Variants in SNED1 observed in about 807,000 individuals in gnomAD.
SNED1 encodes the protein sushi, nidogen and EGF-like domain-containing protein 1.
Under a neutral mutation model 166.7 loss-of-function variants are expected in SNED1, and 81 were observed. The observed-to-expected ratio is 0.49, with a 90% CI of 0.41 to 0.58. The LOEUF (loss-of-function observed/expected upper bound fraction) is 0.58, where lower values mean the gene tolerates loss of function less well. Ranked by LOEUF, SNED1 falls within the 20% of genes least tolerant of loss-of-function variation. The probability of loss-of-function intolerance (pLI) is 0.00; values close to 1 mark genes in which losing one functional copy is unlikely to be tolerated. For missense variants in SNED1, 1,604 were observed against 2,000.2 expected (o/e 0.80, Z 3.78); for synonymous variants, 762 against 822.0 (o/e 0.93, Z 1.25).
chr2:241,053,137 CTGCCG>C lies in SNED1; in HGVS notation c.2084-11_2084-7del. 6.2e-7 allele frequency: 1 copy of C among 1,603,852 alleles called. No individual in the cohort carries two copies. Among genetic ancestry groups the C allele is most frequent in the Non-Finnish European group, 8.5e-7 (1 of 1,176,466 alleles). On this transcript the variant is annotated splice_polypyrimidine_tract_variant and intron_variant, in intron 15 of 31. Transcript: ENST00000310397. ...AAGGCACAGGACCGTGCGAGACAGGCTGCCGTGCCTTGCAGAGGTGGACTGCGGCC... is the reference window on the plus strand; with the variant it reads ...AAGGCACAGGACCGTGCGAGACAGGCTGCCTTGCAGAGGTGGACTGCGGCC...
At chr2:241,065,050 G>T in intron 20 of SNED1, 93 bp downstream of exon 20, 2 of 1,028,244 alleles carry the variant, frequency 1.9e-6, no homozygotes, top group Non-Finnish European at 2.8e-6. Flanking sequence ...GCGTCTGGCC[G>T]CTGCTTGCCC....
intron 27 of SNED1, among the ~76,000 whole-genome samples, chr2:241,077,595 G>A (rs1447332434): frequency 6.6e-6 from 1 of 151,652 alleles, no homozygotes; most frequent in Non-Finnish European, 1.5e-5. Flanking sequence ...TTCAGACATG[G>A]GCAAATCATA....
rs1157144179 is a variant in SNED1, at chr2:241,067,837, C to A, written c.3084C>A (p.His1028Gln). Residue 1028 changes from histidine (H) to glutamine (Q), a missense_variant, in exon 22 of 32, where the codon CAC becomes CAA. By Grantham distance (24) the His-to-Gln change is conservative. Transcript: ENST00000310397. ...CCATCTCAGTGCAGTGGGCCCTGCACAGGATCCGCCATGCCACCGTCAGTG... is the reference window on the plus strand; with the variant it reads ...CCATCTCAGTGCAGTGGGCCCTGCAAAGGATCCGCCATGCCACCGTCAGTG... The part of the protein sequence containing the change: ...ASTISVQWAL[H>Q]RIRHATVSGV... 1 of 1,613,512 alleles carries A rather than the reference C, an allele frequency of 6.2e-7. No individual in the cohort carries two copies. Among genetic ancestry groups the A allele is most frequent in the Admixed American group, 1.7e-5 (1 of 60,026 alleles).
In SNED1 at chr2:241,064,214, T is replaced by G. The variant is rs2062347786; in HGVS notation, c.2599+89T>G. ...TGCTGCCCGCCCTCTGCCCGCCTGC[T>G]CCCCGCCCTCTGCCCGCCTGCTCCC... On this transcript the variant is annotated intron_variant, in intron 19 of 31. Coordinates refer to ENST00000310397, the MANE Select transcript of SNED1 (RefSeq NM_001080437.3). This position sits in a 1 kb window ranked among gnomAD's most constrained non-coding sequence, Gnocchi z 7.0. 3 of 876,960 alleles carry G rather than the reference T, an allele frequency of 3.4e-6. No individual in the cohort carries two copies. In the South Asian group the frequency reaches 5.1e-5, roughly 15 times the overall value. The allele number at this position is 876,960 out of a possible 1,614,324, so 54.3% of individuals were successfully genotyped here.
intron 16 of SNED1, among the ~76,000 whole-genome samples, chr2:241,061,220 G>A (rs1006017313): frequency 1.3e-5 from 2 of 152,024 alleles, no homozygotes; most frequent in Admixed American, 6.6e-5. Flanking sequence ...AACATGCATA[G>A]GCATTTCATG....
At chr2:241,040,953 G>A (rs561440342) in intron 8 of SNED1, 4 of 409,274 alleles carry the variant, frequency 9.8e-6, no homozygotes, top group East Asian at 7.7e-5. Flanking sequence ...AATGGCTTTC[G>A]TGTCTGATTG....
chr2:241,073,473 A>G lies in SNED1; in HGVS notation c.3916+109A>G, dbSNP rs920855830. 4 of 897,790 alleles carry G rather than the reference A, an allele frequency of 4.5e-6. No homozygotes were observed. Among genetic ancestry groups the G allele is most frequent in the Non-Finnish European group, 7.2e-6 (4 of 553,972 alleles). 55.6% of individuals were successfully genotyped at this position (897,790 alleles called of 1,614,324 possible). A position where few individuals can be genotyped will look rare whatever the true frequency, so the allele number is the denominator to read the frequency against. On this transcript the variant is annotated intron_variant, in intron 27 of 31. Coordinates refer to ENST00000310397, the MANE Select transcript of SNED1 (RefSeq NM_001080437.3). The surrounding 1 kb of genome is among the most constrained non-coding windows in gnomAD (Gnocchi z 6.6). ...CACGGTGAGGAATCAGGAGGCACAG[A>G]GCCTACCTGAGGGGAGGCTGAGCAC...
chr2:241,027,737 T>A (rs1481863411), intron 1 of SNED1, among the ~76,000 whole-genome samples: 1 of 151,218 alleles, frequency 6.6e-6, no homozygotes, highest in Non-Finnish European at 1.5e-5. Flanking sequence ...TCTTCTGTTT[T>A]TTTTTTTTTT....
chr2:241,008,312 G>A (rs749915728), intron 1 of SNED1, among the ~76,000 whole-genome samples: 10 of 152,300 alleles, frequency 6.6e-5, no homozygotes, highest in South Asian at 2.1e-4. Context: ...GTGGTGACCC[G>A]GGGCACTCCT....
chr2:241,031,111 G>C (rs1389994213), intron 2 of SNED1, among the ~76,000 whole-genome samples: 2 of 152,170 alleles, frequency 1.3e-5, no homozygotes, highest in East Asian at 3.9e-4. Context: ...CCCTAGAAAA[G>C]AGGCGCTGGG....
In SNED1 at chr2:241,073,204, C is replaced by G; in HGVS notation, c.3818-62C>G. 2 of 1,253,784 alleles carry G rather than the reference C, an allele frequency of 1.6e-6. No individual in the cohort carries two copies. The highest frequency in any genetic ancestry group is 2.3e-6 in the Non-Finnish European group (2 of 882,014). 77.7% of individuals were successfully genotyped at this position (1,253,784 alleles called of 1,614,324 possible). ...GATATAGAAGCACTCAAAAGGGTGGCCCCAGGACCATCCCGGGTGCAAAGC... is the reference window on the plus strand; with the variant it reads ...GATATAGAAGCACTCAAAAGGGTGGGCCCAGGACCATCCCGGGTGCAAAGC... On this transcript the variant is annotated intron_variant, in intron 26 of 31. Transcript: ENST00000310397. This position sits in a 1 kb window ranked among gnomAD's most constrained non-coding sequence, Gnocchi z 6.6.
chr2:241,090,762 G>A (rs2063906172), intron 31 of SNED1, among the ~76,000 whole-genome samples: 3 of 151,944 alleles, frequency 2.0e-5, no homozygotes, highest in Admixed American at 6.6e-5. Context: ...AGCTACTGAA[G>A]AGGCTGAGTC....
At chr2:241,072,506 G>A in intron 26 of SNED1, 1 of 340,360 alleles carries the variant, frequency 2.9e-6, no homozygotes, top group South Asian at 2.2e-5. Context: ...AGGCCAGGTG[G>A]TCATCCTCAT....
At chr2:241,042,118 G>A (rs1042980210) in intron 8 of SNED1, among the ~76,000 whole-genome samples, 8 of 152,172 alleles carry the variant, frequency 5.3e-5, no homozygotes, top group Admixed American at 6.5e-5. Flanking sequence ...TCCTAGTTCA[G>A]TGGCTACAGG....
chr2:241,063,775 C>A, intron 18 of SNED1, 75 bp downstream of exon 18: 1 of 1,140,168 alleles, frequency 8.8e-7, no homozygotes, highest in Non-Finnish European at 1.3e-6. Flanking sequence ...TGGGGCATCC[C>A]CACATTCCCT....
At chr2:241,070,344 G>C in intron 24 of SNED1, 143 bp downstream of exon 24, 1 of 900,198 alleles carries the variant, frequency 1.1e-6, no homozygotes. Flanking sequence ...GGAGGAGTCT[G>C]TGTATGAAAG....
intron 2 of SNED1, among the ~76,000 whole-genome samples, chr2:241,032,917 C>T (rs1261761803): frequency 6.6e-6 from 1 of 152,060 alleles, no homozygotes; most frequent in Non-Finnish European, 1.5e-5. Context: ...CTGCTGTATG[C>T]GTTATAAATA....
At chr2:241,015,417 A>G (rs1216085210) in intron 1 of SNED1, among the ~76,000 whole-genome samples, 2 of 152,220 alleles carry the variant, frequency 1.3e-5, no homozygotes, top group East Asian at 1.9e-4. Context: ...TTGCTGGCAC[A>G]TAGAACTATA....
intron 6 of SNED1, among the ~76,000 whole-genome samples, chr2:241,038,496 G>A (rs777168513): frequency 6.6e-5 from 10 of 152,232 alleles, no homozygotes; most frequent in Non-Finnish European, 1.5e-4. Flanking sequence ...CCCACCTGGC[G>A]AGATGGGCTT....
Sources: gnomAD v4.1 joint callset for allele counts (sites outside exome capture counted in the v4.1 genomes callset) on GRCh38, gnomAD v4.1.1 for gene constraint, Gnocchi (gnomAD v3.1) non-coding constraint, MANE v1.5 for transcripts, NCBI Gene and HGNC (gene_info 2026-07-23, HGNC 2026-07-21) for gene names.